LNX1: variants seen among roughly 807,000 people sequenced by gnomAD.
The protein encoded by LNX1 is ligand of numb-protein X 1, also known as E3 ubiquitin-protein ligase LNX.
In LNX1, 54 loss-of-function variants were observed where a neutral mutation model predicts 68.4. The ratio of observed to expected loss-of-function variants is 0.79; its 90% CI spans 0.63 to 0.99. The LOEUF (loss-of-function observed/expected upper bound fraction) is 0.99. Ranked by LOEUF, LNX1 falls within the 50% of genes least tolerant of loss-of-function variation. LNX1 has a pLI of 0.00. For missense variants in LNX1, 906 were observed against 926.4 expected (o/e 0.98, Z 0.29); for synonymous variants, 336 against 350.0 (o/e 0.96, Z 0.45).
chr4:53,522,035 T>C (rs1367683123), intron 2 of LNX1, among the ~76,000 whole-genome samples: 1 of 152,088 alleles, frequency 6.6e-6, no homozygotes, highest in Non-Finnish European at 1.5e-5. Context: ...GCACAAGCAA[T>C]CCTTCCATCT....
chr4:53,529,746 G>A lies in LNX1; in HGVS notation c.381-21519C>T, dbSNP rs190920495. Reference sequence around the variant, plus strand: ...CATTGGAAAGAACTTATTACACAGTGCAGGTAAGGCTGGGCTGAACTTACT... The same window carrying A: ...CATTGGAAAGAACTTATTACACAGTACAGGTAAGGCTGGGCTGAACTTACT... On this transcript the variant is annotated intron_variant, in intron 2 of 10. Coordinates refer to ENST00000263925, the MANE Select transcript of LNX1 (RefSeq NM_001126328.3). Among the ~76,000 whole-genome samples the A allele has an allele frequency of 1.8e-4, 28 of 152,316 alleles. No homozygotes were observed. The East Asian group carries it at 5.2e-3, about 28-fold the overall frequency.
intron 9 of LNX1, among the ~76,000 whole-genome samples, chr4:53,476,182 A>G (rs1579373174): frequency 1.3e-5 from 2 of 150,892 alleles, no homozygotes; most frequent in East Asian, 3.9e-4. Flanking sequence ...CTGTAATCCC[A>G]GCTACTTGGG....
At chr4:53,587,688 C>T (rs1043652691) in intron 1 of LNX1, among the ~76,000 whole-genome samples, 2 of 152,158 alleles carry the variant, frequency 1.3e-5, no homozygotes, top group African/African-American at 4.8e-5. Context: ...AAGATCCCAC[C>T]AGACCCTATT....
chr4:53,480,471 TA>T (rs1035296356), intron 7 of LNX1, among the ~76,000 whole-genome samples: 3 of 152,328 alleles, frequency 2.0e-5, no homozygotes, highest in South Asian at 2.1e-4. Context: ...GTTAATTGGA[TA>T]AAAACTTCAA....
intron 2 of LNX1, among the ~76,000 whole-genome samples, chr4:53,598,750 G>A (rs545858670): frequency 1.3e-5 from 2 of 152,158 alleles, no homozygotes; most frequent in African/African-American, 2.4e-5. Context: ...TCATCTCTTC[G>A]TTTTCTTGAG....
chr4:53,498,328 A>T (rs1725220820), intron 5 of LNX1, among the ~76,000 whole-genome samples: 1 of 152,200 alleles, frequency 6.6e-6, no homozygotes, highest in Admixed American at 6.5e-5. Context: ...GAGGAGGTGG[A>T]GAAAGGGAAT....
At chr4:53,594,291 G>A (rs910212799), upstream of LNX1, among the ~76,000 whole-genome samples, 4 of 151,916 alleles carry the variant, frequency 2.6e-5, no homozygotes, top group African/African-American at 9.7e-5. Context: ...AAGATGGAAG[G>A]CCAGCTTGAG....
At chr4:53,558,101 C>T (rs2109729520) in intron 2 of LNX1, 1 of 1,462,690 alleles carries the variant, frequency 6.8e-7, no homozygotes, top group Non-Finnish European at 9.0e-7. Flanking sequence ...TGAGAACCTT[C>T]AGATTAAGCC....
chr4:53,582,120 A>G (rs114180216), intron 1 of LNX1, among the ~76,000 whole-genome samples: 2,086 of 152,290 alleles, frequency 0.014, 47 homozygotes, highest in African/African-American at 0.048. Context: ...TGTGGTTTGG[A>G]TGCAGCTCTG....
At chr4:53,638,130 T>A (rs1272084842) in intron 1 of LNX1, among the ~76,000 whole-genome samples, 1 of 152,184 alleles carries the variant, frequency 6.6e-6, no homozygotes. Flanking sequence ...TAGGTACAGA[T>A]CTTGTCATTG....
chr4:53,494,565 C>T (rs1241676677), intron 6 of LNX1, among the ~76,000 whole-genome samples: 2 of 152,196 alleles, frequency 1.3e-5, no homozygotes, highest in Non-Finnish European at 2.9e-5. Context: ...GCAAAAATCT[C>T]CCCTGCGCCT....
At chr4:53,493,734 T>C (rs1724859366) in intron 6 of LNX1, among the ~76,000 whole-genome samples, 1 of 152,256 alleles carries the variant, frequency 6.6e-6, no homozygotes, top group Non-Finnish European at 1.5e-5. Flanking sequence ...GCTGACTTAC[T>C]GCCTATTCTC....
intron 1 of LNX1, among the ~76,000 whole-genome samples, chr4:53,648,842 A>C (rs1198679963): frequency 3.3e-5 from 5 of 152,168 alleles, no homozygotes; most frequent in Non-Finnish European, 5.9e-5. Context: ...CTTTAGTGAT[A>C]ATTGAATTTC....
chr4:53,634,918 T>C (rs1222288946), intron 1 of LNX1, among the ~76,000 whole-genome samples: 1 of 151,924 alleles, frequency 6.6e-6, no homozygotes, highest in Non-Finnish European at 1.5e-5. Context: ...GCTCACTGCA[T>C]GGGCTTAATT....
chr4:53,595,265 G>A (rs1732698144), upstream of LNX1, among the ~76,000 whole-genome samples: 1 of 152,090 alleles, frequency 6.6e-6, no homozygotes, highest in South Asian at 2.1e-4. Flanking sequence ...AGAGGAATAC[G>A]AGACAATGAA....
intron 1 of LNX1, among the ~76,000 whole-genome samples, chr4:53,627,758 A>T (rs754729226): frequency 6.6e-5 from 10 of 152,204 alleles, no homozygotes; most frequent in Non-Finnish European, 1.5e-4. Flanking sequence ...TTGAATCAGC[A>T]CCTGCTAACC....
intron 1 of LNX1, among the ~76,000 whole-genome samples, chr4:53,585,212 A>G (rs1266264514): frequency 6.6e-6 from 1 of 152,188 alleles, no homozygotes; most frequent in Admixed American, 6.5e-5. Flanking sequence ...GTCTTATTAG[A>G]TATCTCACAC....
At chr4:53,559,804 T>C (rs1224827748) in intron 2 of LNX1, among the ~76,000 whole-genome samples, 2 of 146,536 alleles carry the variant, frequency 1.4e-5, no homozygotes, top group Non-Finnish European at 3.0e-5. Context: ...CGTGCCGCCA[T>C]GCCTGGCTAA....
chr4:53,558,244 AG>A, intron 2 of LNX1: 1 of 1,237,406 alleles, frequency 8.1e-7, no homozygotes, highest in Non-Finnish European at 1.0e-6. Context: ...TGCCCAGGAA[AG>A]GAACCAGCCC....
Sources: allele counts gnomAD v4.1 joint callset (sites outside exome capture counted in the v4.1 genomes callset), GRCh38; gene constraint gnomAD v4.1.1; transcripts MANE v1.5; gene names NCBI Gene and HGNC (gene_info 2026-07-23, HGNC 2026-07-21).